The following SUMF1 variants were observed in gnomAD, a reference collection of about 807,000 sequenced individuals.
SUMF1 encodes the protein formylglycine-generating enzyme.
In SUMF1, 48 loss-of-function variants were observed where a neutral mutation model predicts 47.6. The observed-to-expected ratio is 1.01, with a 90% CI of 0.80 to 1.28. The LOEUF (loss-of-function observed/expected upper bound fraction) is 1.28. SUMF1 is among the 50% of genes most tolerant of loss of function. SUMF1 has a pLI of 0.00. For synonymous variants in SUMF1, 230 were observed against 192.1 expected, an observed-to-expected ratio of 1.20 and a Z score of -1.63; for missense variants, 571 against 485.4, an observed-to-expected ratio of 1.18 and a Z score of -1.66.
chr3:4,211,203 CATATATAT>C (rs57172340), intron 8 of SUMF1, among the ~76,000 whole-genome samples: 1 of 98,160 alleles, frequency 1.0e-5, no homozygotes, highest in South Asian at 3.6e-4. Context: ...TACATACATA[CATATATAT>C]ATATATATAT....
chr3:4,448,551 C>G (rs1702863031), intron 3 of SUMF1, among the ~76,000 whole-genome samples: 1 of 152,156 alleles, frequency 6.6e-6, no homozygotes. Flanking sequence ...TACCCTCACT[C>G]CTTCCCTTGT....
chr3:4,080,071 T>A (rs1032975585), intron 8 of SUMF1, among the ~76,000 whole-genome samples: 1 of 152,036 alleles, frequency 6.6e-6, no homozygotes. Context: ...CAGAGGGTCC[T>A]GTATTTCCAG....
intron 8 of SUMF1, among the ~76,000 whole-genome samples, chr3:4,350,446 T>C (rs1215427050): frequency 6.6e-6 from 1 of 152,016 alleles, no homozygotes; most frequent in Non-Finnish European, 1.5e-5. Flanking sequence ...TGTTTGTAAA[T>C]ACGTTTTTAA....
At chr3:4,274,685 G>A (rs566123098) in intron 8 of SUMF1, among the ~76,000 whole-genome samples, 2 of 152,226 alleles carry the variant, frequency 1.3e-5, no homozygotes, top group South Asian at 4.2e-4. Context: ...AAAACATCCT[G>A]GGAAGAAGTT....
intron 8 of SUMF1, among the ~76,000 whole-genome samples, chr3:4,309,523 G>T (rs1295498247): frequency 6.6e-6 from 1 of 152,124 alleles, no homozygotes; most frequent in Non-Finnish European, 1.5e-5. Context: ...AACAAAAAAG[G>T]GAAGGAATTG....
chr3:4,082,747 A>G (rs1361969992), intron 8 of SUMF1, among the ~76,000 whole-genome samples: 2 of 152,124 alleles, frequency 1.3e-5, no homozygotes, highest in Non-Finnish European at 2.9e-5. Flanking sequence ...AAAAAGAGAG[A>G]AAGAGAGATT....
At chr3:4,426,102 G>A (rs1702059872) in intron 3 of SUMF1, among the ~76,000 whole-genome samples, 1 of 152,148 alleles carries the variant, frequency 6.6e-6, no homozygotes, top group Non-Finnish European at 1.5e-5. Flanking sequence ...GATTTAGTTG[G>A]GGACACAGCC....
chr3:4,178,268 T>A (rs1035944681), intron 8 of SUMF1, among the ~76,000 whole-genome samples: 21 of 152,286 alleles, frequency 1.4e-4, no homozygotes, highest in South Asian at 1.2e-3. Flanking sequence ...ATATCCCCGA[T>A]GAACATTGAT....
At chr3:4,129,788 G>T (rs1206760327) in intron 8 of SUMF1, among the ~76,000 whole-genome samples, 1 of 152,096 alleles carries the variant, frequency 6.6e-6, no homozygotes, top group Non-Finnish European at 1.5e-5. Flanking sequence ...TTAAAGTAGG[G>T]GCTTATGGAG....
intron 7 of SUMF1, among the ~76,000 whole-genome samples, chr3:4,387,246 T>C (rs1047983856): frequency 6.6e-6 from 1 of 152,068 alleles, no homozygotes; most frequent in African/African-American, 2.4e-5. Context: ...TTTGAGAAGT[T>C]TTAAAATTTC....
chr3:4,303,508 C>T, intron 8 of SUMF1: 2 of 1,441,760 alleles, frequency 1.4e-6, no homozygotes, highest in East Asian at 3.0e-5. Context: ...CCCCGGGGGC[C>T]GCGCCGGCGC....
At chr3:4,435,158 C>G (rs1702356545) in intron 3 of SUMF1, among the ~76,000 whole-genome samples, 1 of 152,196 alleles carries the variant, frequency 6.6e-6, no homozygotes, top group Non-Finnish European at 1.5e-5. Flanking sequence ...AACTCCTAAC[C>G]TCAGGTGATC....
At chr3:4,340,580 T>A (rs1699251444) in intron 8 of SUMF1, among the ~76,000 whole-genome samples, 1 of 151,998 alleles carries the variant, frequency 6.6e-6, no homozygotes, top group Non-Finnish European at 1.5e-5. Context: ...AGGACTCAGG[T>A]GGAGTTAGGA....
exon 9 of SUMF1, chr3:4,068,603 C>A: frequency 2.5e-6 from 1 of 407,658 alleles, no homozygotes; most frequent in Non-Finnish European, 4.9e-6. Flanking sequence ...ACATGTCAAA[C>A]GTTCAATAGC....
At chr3:4,277,920 C>T (rs545097183) in intron 8 of SUMF1, among the ~76,000 whole-genome samples, 1 of 152,142 alleles carries the variant, frequency 6.6e-6, no homozygotes, top group South Asian at 2.1e-4. Flanking sequence ...TCATTATCAT[C>T]AAATTATCAT....
At chr3:4,284,441 AAGGAGGAGG>A (rs72201582) in intron 8 of SUMF1, among the ~76,000 whole-genome samples, 20,566 of 91,654 alleles carry the variant, frequency 0.22, 2,062 homozygotes, top group South Asian at 0.45. Context: ...TAAAAAATGA[AAGGAGGAGG>A]AGGAGGAGGA....
chr3:4,123,378 C>A (rs795304), intron 8 of SUMF1, among the ~76,000 whole-genome samples: 38,992 of 152,044 alleles, frequency 0.26, 5,887 homozygotes, highest in East Asian at 0.4. Context: ...GAACACTTAA[C>A]AAATATTGAT....
chr3:4,274,787 A>C (rs537340162), intron 8 of SUMF1, among the ~76,000 whole-genome samples: 11 of 152,300 alleles, frequency 7.2e-5, no homozygotes, highest in African/African-American at 1.9e-4. Flanking sequence ...ATCTAGACTG[A>C]CAGAAAAAAC....
chr3:4,125,495 A>T (rs1048950439), intron 8 of SUMF1, among the ~76,000 whole-genome samples: 2 of 152,176 alleles, frequency 1.3e-5, no homozygotes, highest in South Asian at 4.2e-4. Flanking sequence ...TCAACTAGTT[A>T]CAATCTATCT....
Sources: allele counts gnomAD v4.1 joint callset (sites outside exome capture counted in the v4.1 genomes callset), GRCh38; gene constraint gnomAD v4.1.1; transcripts MANE v1.5; gene names NCBI Gene and HGNC (gene_info 2026-07-23, HGNC 2026-07-21).